ANO4: variants seen among roughly 807,000 people sequenced by gnomAD.
ANO4 encodes anoctamin 4, also known as anoctamin-4.
Under a neutral mutation model 141.9 loss-of-function variants are expected in ANO4, and 69 were observed. That is an observed-to-expected ratio of 0.49 (90% CI 0.40 to 0.59). ANO4 has a LOEUF of 0.59. Among genes scored for constraint, ANO4 ranks in the 20% least tolerant of loss-of-function variants. ANO4 has a pLI of 0.00. For missense variants in ANO4, 894 were observed against 1,162.2 expected (o/e 0.77, Z 3.36); for synonymous variants, 350 against 394.3 (o/e 0.89, Z 1.33).
At chr12:100,902,829 C>A (rs1460889815) in intron 2 of ANO4, among the ~76,000 whole-genome samples, 1 of 152,210 alleles carries the variant, frequency 6.6e-6, no homozygotes, top group Non-Finnish European at 1.5e-5. Flanking sequence ...GAGGGGCCTC[C>A]CACTGTCTTT....
intron 5 of ANO4, among the ~76,000 whole-genome samples, chr12:100,961,797 T>C (rs575172097): frequency 6.6e-6 from 1 of 152,320 alleles, no homozygotes; most frequent in South Asian, 2.1e-4. Context: ...TTTAAGTGTT[T>C]AATGGCCCCA....
At chr12:101,105,163 G>A (rs946445141) in intron 22 of ANO4, among the ~76,000 whole-genome samples, 3 of 152,102 alleles carry the variant, frequency 2.0e-5, no homozygotes, top group African/African-American at 7.2e-5. Flanking sequence ...TCACAGCAAA[G>A]GAACAAGAAC....
intron 1 of ANO4, among the ~76,000 whole-genome samples, chr12:100,879,711 A>G (rs1278244264): frequency 6.6e-6 from 1 of 152,198 alleles, no homozygotes; most frequent in East Asian, 1.9e-4. Context: ...ACAACTGTTA[A>G]TTGGCTCCTC....
At chr12:101,113,655 C>T (rs970230505) in intron 24 of ANO4, among the ~76,000 whole-genome samples, 2 of 151,844 alleles carry the variant, frequency 1.3e-5, no homozygotes, top group Non-Finnish European at 2.9e-5. Flanking sequence ...TTTATTTTTC[C>T]AATTTAGAAA....
Position 100,959,612 on chromosome 12 carries a change from C to T in ANO4, c.457-11694C>T, listed in dbSNP as rs565840825. Among the ~76,000 whole-genome samples, 3 of 152,292 alleles carry T rather than the reference C, an allele frequency of 2.0e-5. No homozygotes were observed. In the South Asian group the frequency reaches 6.2e-4, roughly 32 times the overall value. Reference sequence around the variant, plus strand: ...TGATCAAATCCAGCAGTCATGCCGTCTCTGTTATCTTACTGGCCTCACCAG... The same window carrying T: ...TGATCAAATCCAGCAGTCATGCCGTTTCTGTTATCTTACTGGCCTCACCAG... On this transcript the variant is annotated intron_variant, in intron 5 of 27. Transcript: ENST00000392977.
At chr12:100,830,572 C>A (rs2135770906) in intron 1 of ANO4, among the ~76,000 whole-genome samples, 1 of 152,062 alleles carries the variant, frequency 6.6e-6, no homozygotes. Context: ...AGACCATCAG[C>A]CCTCTGTTCT....
At chr12:100,951,251 C>T (rs2042958995) in intron 5 of ANO4, among the ~76,000 whole-genome samples, 1 of 152,136 alleles carries the variant, frequency 6.6e-6, no homozygotes, top group Admixed American at 6.6e-5. Flanking sequence ...AGTGTCAGTT[C>T]AATCACTGTG....
At chr12:100,987,398 TAAAA>T in intron 7 of ANO4, 137 bp from the exon 8 acceptor site, 1 of 1,072,012 alleles carries the variant, frequency 9.3e-7, no homozygotes, top group East Asian at 2.5e-5. Context: ...TTTCCATCTA[TAAAA>T]CAAGGATATC....
At chr12:100,936,105 C>T (rs1469419946) in intron 3 of ANO4, among the ~76,000 whole-genome samples, 1 of 152,162 alleles carries the variant, frequency 6.6e-6, no homozygotes, top group African/African-American at 2.4e-5. Context: ...AACAGATTGC[C>T]ATGACTGACT....
chr12:101,040,543 A>C (rs904864139), intron 11 of ANO4, among the ~76,000 whole-genome samples: 3 of 152,232 alleles, frequency 2.0e-5, no homozygotes, highest in Admixed American at 6.5e-5. Context: ...GATTGTTTTA[A>C]TCTGCAGATC....
chr12:101,003,673 T>C (rs2045746721), intron 8 of ANO4, among the ~76,000 whole-genome samples: 1 of 152,204 alleles, frequency 6.6e-6, no homozygotes, highest in Admixed American at 6.5e-5. Flanking sequence ...TACACGTAAT[T>C]GCACATATTT....
intron 8 of ANO4, among the ~76,000 whole-genome samples, chr12:101,007,247 G>A (rs1029332961): frequency 3.3e-5 from 5 of 152,196 alleles, no homozygotes; most frequent in African/African-American, 1.2e-4. Context: ...TAGCTACTTG[G>A]GAGACTGAAG....
At chr12:100,842,103 C>T (rs2037298794) in intron 1 of ANO4, 1 of 125,990 alleles carries the variant, frequency 7.9e-6, no homozygotes, top group Non-Finnish European at 1.6e-5. Context: ...CAATAATATT[C>T]TTTATTCATT....
chr12:101,066,420 A>G (rs2048590039), intron 14 of ANO4, among the ~76,000 whole-genome samples: 1 of 152,244 alleles, frequency 6.6e-6, no homozygotes, highest in African/African-American at 2.4e-5. Flanking sequence ...GTTGCAGGAT[A>G]CAAAGTCAAC....
intron 1 of ANO4, among the ~76,000 whole-genome samples, chr12:100,876,062 G>A (rs2039286216): frequency 6.6e-6 from 1 of 152,168 alleles, no homozygotes; most frequent in Non-Finnish European, 1.5e-5. Flanking sequence ...CATACTTGAT[G>A]TAATGGTTTA....
At chr12:101,056,779 T>C (rs1194084392) in intron 14 of ANO4, among the ~76,000 whole-genome samples, 1 of 151,758 alleles carries the variant, frequency 6.6e-6, no homozygotes, top group Non-Finnish European at 1.5e-5. Context: ...GAACTGAGGG[T>C]TTTAAAAATC....
At chr12:100,784,591 C>A (rs969484619) in intron 3 of ANO4, among the ~76,000 whole-genome samples, 1 of 152,182 alleles carries the variant, frequency 6.6e-6, no homozygotes, top group African/African-American at 2.4e-5. Flanking sequence ...ACCCCACATG[C>A]AGTTTTTCTC....
intron 1 of ANO4, among the ~76,000 whole-genome samples, chr12:100,800,524 CT>C (rs2034618208): frequency 1.3e-5 from 2 of 152,314 alleles, no homozygotes; most frequent in African/African-American, 4.8e-5. Flanking sequence ...AGAAGGGCAC[CT>C]TTGCTGTCGT....
At chr12:100,870,839 T>C (rs1264237000) in intron 1 of ANO4, among the ~76,000 whole-genome samples, 1 of 152,210 alleles carries the variant, frequency 6.6e-6, no homozygotes, top group Non-Finnish European at 1.5e-5. Context: ...CAGGATTCCA[T>C]AAGTTAATAG....
Sources: gnomAD v4.1 joint callset for allele counts (sites outside exome capture counted in the v4.1 genomes callset) on GRCh38, gnomAD v4.1.1 for gene constraint, MANE v1.5 for transcripts, NCBI Gene and HGNC (gene_info 2026-07-23, HGNC 2026-07-21) for gene names.